Variants in USP8 observed in about 807,000 individuals in gnomAD.
The protein encoded by USP8 is ubiquitin carboxyl-terminal hydrolase 8.
USP8 carries 27 observed loss-of-function variants against 130.0 expected under a neutral mutation model. That is an observed-to-expected ratio of 0.21 (90% CI 0.15 to 0.29). The LOEUF (loss-of-function observed/expected upper bound fraction) is 0.29, where lower values mean the gene tolerates loss of function less well. Among genes scored for constraint, USP8 ranks in the 10% least tolerant of loss-of-function variants. The probability of loss-of-function intolerance (pLI) is 1.00; values close to 1 mark genes in which losing one functional copy is unlikely to be tolerated. For missense variants in USP8, 1,029 were observed against 1,312.2 expected (o/e 0.78, Z 3.33); for synonymous variants, 392 against 444.1 (o/e 0.88, Z 1.48).
chr15:50,443,605 TC>T (rs1330174632), intron 3 of USP8, among the ~76,000 whole-genome samples: 1 of 152,046 alleles, frequency 6.6e-6, no homozygotes, highest in East Asian at 1.9e-4. Context: ...TGCCTCAGCC[TC>T]CCGAGTAGCT....
chr15:50,496,138 A>T, intron 17 of USP8, 54 bp downstream of exon 17: 3 of 1,392,228 alleles, frequency 2.2e-6, no homozygotes, highest in South Asian at 1.3e-5. Flanking sequence ...TGCTGTTTTT[A>T]TGGATATAGA....
At chr15:50,459,419 A>C (rs1259003999) in intron 5 of USP8, among the ~76,000 whole-genome samples, 1 of 152,112 alleles carries the variant, frequency 6.6e-6, no homozygotes, top group Non-Finnish European at 1.5e-5. Flanking sequence ...CCCCGACTCT[A>C]CTAAAAATAC....
chr15:50,493,965 G>A (rs759637975), intron 15 of USP8, 105 bp from the exon 16 acceptor site: 9 of 1,260,754 alleles, frequency 7.1e-6, no homozygotes, highest in Middle Eastern at 2.2e-4. Flanking sequence ...TTAATGTAGT[G>A]CTACAGTATG....
intron 1 of USP8, among the ~76,000 whole-genome samples, chr15:50,425,172 C>T (rs749694573): frequency 2.0e-5 from 3 of 152,174 alleles, no homozygotes; most frequent in Non-Finnish European, 4.4e-5. Context: ...TGACCTTGAA[C>T]AAGTCACTTA....
intron 8 of USP8, among the ~76,000 whole-genome samples, chr15:50,473,791 G>A (rs1001133585): frequency 1.1e-4 from 16 of 151,244 alleles, no homozygotes; most frequent in Admixed American, 3.3e-4. Flanking sequence ...GCACCACTGT[G>A]TTGGGCATCT....
intron 2 of USP8, among the ~76,000 whole-genome samples, chr15:50,439,898 G>A (rs1415087885): frequency 3.3e-5 from 5 of 151,610 alleles, no homozygotes; most frequent in Non-Finnish European, 7.4e-5. Flanking sequence ...TACCAGCCTC[G>A]GCAACATGGT....
Position 50,513,345 on chromosome 15 carries a change from C to T in USP8, c.*14257C>T, listed in dbSNP as rs1283534262. ...ATTTATGATATATTCACACAATATA[C>T]ATCATAGGCTAGTGAAATTATAACC... On this transcript the variant is annotated 3_prime_UTR_variant, in exon 20 of 20. Transcript: ENST00000307179. The T allele has an allele frequency of 6.6e-6, 1 of 151,856 alleles. No homozygotes were observed. Among genetic ancestry groups the T allele is most frequent in the Non-Finnish European group, 1.5e-5 (1 of 67,988 alleles). The allele number at this position is 151,856 out of a possible 1,614,324, so 9.4% of individuals were successfully genotyped here.
At chr15:50,450,765 C>T (rs1057288212) in intron 4 of USP8, among the ~76,000 whole-genome samples, 1 of 152,100 alleles carries the variant, frequency 6.6e-6, no homozygotes, top group Admixed American at 6.6e-5. Context: ...GCCACTGTAC[C>T]CGGCCATTAG....
At chr15:50,489,713 A>C (rs1428964441) in intron 12 of USP8, 88 bp from the exon 13 acceptor site, 17 of 892,410 alleles carry the variant, frequency 1.9e-5, no homozygotes, top group Non-Finnish European at 2.5e-5. Context: ...TGGTACAAGT[A>C]GCTTAAGTTT....
intron 3 of USP8, 60 bp from the exon 4 acceptor site, chr15:50,449,340 A>G (rs935805120): frequency 9.4e-7 from 1 of 1,061,848 alleles, no homozygotes; most frequent in Non-Finnish European, 1.3e-6. Flanking sequence ...TGATTTTAAC[A>G]CTAGTGTCAC....
chr15:50,493,320 T>C (rs2052250694), intron 15 of USP8: 2 of 520,400 alleles, frequency 3.8e-6, no homozygotes, highest in Non-Finnish European at 7.7e-6. Context: ...TATGAATAAG[T>C]AAGCATTTTG....
At chr15:50,444,293 C>T (rs150829240) in intron 3 of USP8, among the ~76,000 whole-genome samples, 125 of 151,556 alleles carry the variant, frequency 8.2e-4, no homozygotes, top group African/African-American at 2.8e-3. Flanking sequence ...TTAGTAGAGA[C>T]AGGGTTTCAC....
At chr15:50,498,019 G>A (rs2052482392) in intron 18 of USP8, among the ~76,000 whole-genome samples, 1 of 152,024 alleles carries the variant, frequency 6.6e-6, no homozygotes, top group South Asian at 2.1e-4. Context: ...TGAGGATTCT[G>A]GAAGTATAAA....
At chr15:50,478,235 G>A (rs954496262) in intron 10 of USP8, among the ~76,000 whole-genome samples, 1 of 152,086 alleles carries the variant, frequency 6.6e-6, no homozygotes, top group African/African-American at 2.4e-5. Flanking sequence ...AATTTGACAC[G>A]CAAATAACAG....
chr15:50,462,203 G>A (rs760782180), intron 5 of USP8, 77 bp from the exon 6 acceptor site: 2 of 1,245,118 alleles, frequency 1.6e-6, no homozygotes, highest in Non-Finnish European at 2.3e-6. Flanking sequence ...TTCCATTTAA[G>A]AGAAGTAAAT....
intron 10 of USP8, among the ~76,000 whole-genome samples, chr15:50,480,710 G>A (rs1463616515): frequency 6.6e-6 from 1 of 152,032 alleles, no homozygotes; most frequent in Non-Finnish European, 1.5e-5. Flanking sequence ...GACCATACAG[G>A]GCATTACAGA....
intron 5 of USP8, among the ~76,000 whole-genome samples, chr15:50,459,989 C>T (rs1166372777): frequency 2.9e-5 from 2 of 69,160 alleles, no homozygotes; most frequent in South Asian, 6.1e-4. Flanking sequence ...GTTCCCCCAC[C>T]CCCCCCCTTT....
intron 12 of USP8, among the ~76,000 whole-genome samples, chr15:50,485,635 C>T (rs903075300): frequency 5.4e-5 from 7 of 130,040 alleles, no homozygotes; most frequent in South Asian, 2.6e-4. Flanking sequence ...AGAACATTGC[C>T]GTCACACCAA....
intron 1 of USP8, chr15:50,426,965 T>TC (rs1362613037): frequency 6.6e-6 from 1 of 151,838 alleles, no homozygotes; most frequent in Non-Finnish European, 1.5e-5. Context: ...TTCTTCTTTT[T>TC]TTTTTTTTGA....
Sources: allele counts gnomAD v4.1 joint callset (sites outside exome capture counted in the v4.1 genomes callset), GRCh38; gene constraint gnomAD v4.1.1; transcripts MANE v1.5; gene names NCBI Gene and HGNC (gene_info 2026-07-23, HGNC 2026-07-21).